PLCE1: variants seen among roughly 807,000 people sequenced by gnomAD.
PLCE1 encodes the protein phospholipase C epsilon 1, also known as 1-phosphatidylinositol 4,5-bisphosphate phosphodiesterase epsilon-1.
In PLCE1, 119 loss-of-function variants were observed where a neutral mutation model predicts 242.8. The ratio of observed to expected loss-of-function variants is 0.49; its 90% CI spans 0.42 to 0.57. PLCE1 has a LOEUF of 0.57. Ranked by LOEUF, PLCE1 falls within the 20% of genes least tolerant of loss-of-function variation. The pLI is 0.00. For synonymous variants in PLCE1, 945 were observed against 1,017.4 expected, an observed-to-expected ratio of 0.93 and a Z score of 1.35; for missense variants, 2,441 against 2,788.8, an observed-to-expected ratio of 0.88 and a Z score of 2.81.
chr10:94,147,026 T>A (rs1429150147), intron 3 of PLCE1, among the ~76,000 whole-genome samples: 1 of 152,164 alleles, frequency 6.6e-6, no homozygotes, highest in Admixed American at 6.5e-5. Flanking sequence ...AGCCTCACGA[T>A]CTAGTTTTCT....
At chr10:94,316,972 C>T (rs368369234) in intron 29 of PLCE1, among the ~76,000 whole-genome samples, 4 of 152,188 alleles carry the variant, frequency 2.6e-5, no homozygotes, top group East Asian at 1.9e-4. Context: ...TCCCTTAGAC[C>T]GGGCGTGGTG....
rs186182952 is a variant in PLCE1 at position 94,310,185 on chromosome 10, A to C, written c.6003+1486A>C. On this transcript the variant is annotated intron_variant, in intron 27 of 32. Coordinates refer to ENST00000371380, the MANE Select transcript of PLCE1 (RefSeq NM_016341.4). ...CAATCTCAGACTCAACGTAGTCCTA[A>C]CAATCTTTGGAAAGGCACCTTCTGC... Among the ~76,000 whole-genome samples the C allele has an allele frequency of 3.2e-4, 48 of 152,336 alleles. No homozygotes were observed. In the East Asian group the frequency reaches 8.5e-3, roughly 27 times the overall value.
intron 2 of PLCE1, among the ~76,000 whole-genome samples, chr10:94,092,157 A>G (rs2045101381): frequency 6.6e-6 from 1 of 152,194 alleles, no homozygotes; most frequent in African/African-American, 2.4e-5. Context: ...TAGTCAATAA[A>G]CCTCAAGAAT....
intron 3 of PLCE1, among the ~76,000 whole-genome samples, chr10:94,145,776 C>A (rs956326878): frequency 6.6e-6 from 1 of 152,012 alleles, no homozygotes; most frequent in African/African-American, 2.4e-5. Context: ...TTCTGAGATT[C>A]ACACAAGCTT....
At chr10:94,050,478 A>G (rs1328576061) in intron 2 of PLCE1, among the ~76,000 whole-genome samples, 1 of 152,136 alleles carries the variant, frequency 6.6e-6, no homozygotes, top group Non-Finnish European at 1.5e-5. Flanking sequence ...GATTACAGTT[A>G]GAGATGAGAT....
chr10:94,103,661 A>G (rs953299032), intron 2 of PLCE1, among the ~76,000 whole-genome samples: 1 of 152,234 alleles, frequency 6.6e-6, no homozygotes, highest in Non-Finnish European at 1.5e-5. Context: ...AAAAAAAGGA[A>G]GAAAGAAATT....
At chr10:94,210,163 GTT>G (rs1453774673) in intron 4 of PLCE1, among the ~76,000 whole-genome samples, 1 of 150,288 alleles carries the variant, frequency 6.7e-6, no homozygotes, top group Non-Finnish European at 1.5e-5. Context: ...AAGATGTCAC[GTT>G]TTAATATTTG....
chr10:94,004,145 C>CAA (rs763037452), intron 1 of PLCE1, among the ~76,000 whole-genome samples: 2 of 132,672 alleles, frequency 1.5e-5, no homozygotes, highest in Admixed American at 7.7e-5. Context: ...GATTCCATCT[C>CAA]AAAAAAAAAA....
chr10:94,160,533 G>A (rs1211733669), intron 3 of PLCE1, among the ~76,000 whole-genome samples: 2 of 152,150 alleles, frequency 1.3e-5, no homozygotes, highest in Non-Finnish European at 2.9e-5. Context: ...TTTGTCAGAT[G>A]AGTAGATTGC....
chr10:94,093,544 C>T (rs1338935214), intron 2 of PLCE1, among the ~76,000 whole-genome samples: 1 of 152,198 alleles, frequency 6.6e-6, no homozygotes, highest in Non-Finnish European at 1.5e-5. Context: ...CAGTCAGTGT[C>T]CATTAATTAA....
intron 13 of PLCE1, among the ~76,000 whole-genome samples, chr10:94,260,129 T>A (rs915996835): frequency 1.3e-5 from 2 of 152,120 alleles, no homozygotes; most frequent in African/African-American, 4.8e-5. Flanking sequence ...CTGCTAGGTA[T>A]GTGGTGTGTG....
intron 2 of PLCE1, among the ~76,000 whole-genome samples, chr10:94,101,365 CA>C (rs1157861989): frequency 6.6e-6 from 1 of 152,174 alleles, no homozygotes; most frequent in South Asian, 2.1e-4. Flanking sequence ...AAACAGATTT[CA>C]GTCCTTATTA....
At chr10:94,292,759 A>G (rs1219680026) in intron 22 of PLCE1, among the ~76,000 whole-genome samples, 1 of 152,222 alleles carries the variant, frequency 6.6e-6, no homozygotes, top group African/African-American at 2.4e-5. Context: ...TTACTCTCCA[A>G]AGGTACAGTT....
chr10:94,258,921 A>G lies in PLCE1; in HGVS notation c.3676A>G (p.Ser1226Gly), dbSNP rs866394425. ...ATTTGTTGAGCTGTTCAAATCATTC[A>G]GGTACAGTCTTATGTTTCCTTCTTA... ...VEFVELFKSF[S>G]VRSRKDLKDL... Residue 1226 changes from serine to glycine, a missense_variant and splice_region_variant, in exon 12 of 33, where the codon AGT becomes GGT. This residue lies in a region of PLCE1 where 1,004 missense variants were observed against 1,322.7 expected (regional missense o/e 0.76). Coordinates refer to ENST00000371380, the MANE Select transcript of PLCE1 (RefSeq NM_016341.4). 2 of 1,613,992 alleles carry G rather than the reference A, an allele frequency of 1.2e-6. No homozygotes were observed. The highest frequency in any genetic ancestry group is 3.3e-5 in the Admixed American group (2 of 60,002).
chr10:94,067,357 G>T (rs1480125464), intron 2 of PLCE1, among the ~76,000 whole-genome samples: 3 of 152,306 alleles, frequency 2.0e-5, no homozygotes, highest in African/African-American at 7.2e-5. Context: ...GGTTCAGAAA[G>T]CACCATTAAA....
intron 19 of PLCE1, among the ~76,000 whole-genome samples, chr10:94,275,605 G>A (rs772365688): frequency 1.3e-5 from 2 of 152,186 alleles, no homozygotes; most frequent in Non-Finnish European, 2.9e-5. Flanking sequence ...GGAGGCCGAG[G>A]CAGGTCGATT....
chr10:94,000,897 C>T (rs1370459387), intron 1 of PLCE1, among the ~76,000 whole-genome samples: 1 of 152,172 alleles, frequency 6.6e-6, no homozygotes, highest in Non-Finnish European at 1.5e-5. Context: ...TGTCTTTTCT[C>T]CCCTGACTAC....
At chr10:94,113,369 C>A (rs1564700334) in intron 2 of PLCE1, among the ~76,000 whole-genome samples, 2 of 151,278 alleles carry the variant, frequency 1.3e-5, no homozygotes, top group Non-Finnish European at 1.5e-5. Flanking sequence ...TACTATACAC[C>A]CATTCCTTTC....
At chr10:94,139,559 T>C (rs1344678393) in intron 3 of PLCE1, 1 of 152,532 alleles carries the variant, frequency 6.6e-6, no homozygotes, top group Non-Finnish European at 1.5e-5. Context: ...TTAGATTTTA[T>C]ATTTTCTATT....
Sources: gnomAD v4.1 joint callset for allele counts (sites outside exome capture counted in the v4.1 genomes callset) on GRCh38, gnomAD v4.1.1 for gene constraint, gnomAD v4.1.1 regional missense constraint, MANE v1.5 for transcripts, NCBI Gene and HGNC (gene_info 2026-07-23, HGNC 2026-07-21) for gene names.